EDEM3: variants seen among roughly 807,000 people sequenced by gnomAD.
The protein encoded by EDEM3 is ER degradation-enhancing alpha-mannosidase-like protein 3.
A neutral mutation model predicts 110.2 loss-of-function variants in EDEM3; 60 were observed. The observed-to-expected ratio is 0.54, with a 90% CI of 0.44 to 0.67. EDEM3 has a LOEUF of 0.67. Ranked by LOEUF, EDEM3 falls within the 30% of genes least tolerant of loss-of-function variation. The pLI, the probability that EDEM3 is intolerant of heterozygous loss-of-function variation, is 0.00. For missense variants in EDEM3, 996 were observed against 1,121.0 expected, an observed-to-expected ratio of 0.89 and a Z score of 1.59; for synonymous variants, 352 against 382.9, an observed-to-expected ratio of 0.92 and a Z score of 0.94.
At position 184,736,110 on chromosome 1, in the gene EDEM3, C is replaced by A. The variant is rs554113348; in HGVS notation, c.345+915G>T. 3.7e-4 allele frequency among the ~76,000 whole-genome samples: 56 copies of A among 152,244 alleles called. 1 individual carries two copies. The South Asian group carries it at 0.011, about 29-fold the overall frequency. ...TCGTGATTTTTCTCAACCATAACAT[C>A]TTTTTGAACCAAAGAGCTTTGGAAG... On this transcript the variant is annotated intron_variant, in intron 4 of 19. Transcript: ENST00000318130.
Position 184,750,976 on chromosome 1 carries a change from C to T in EDEM3, c.159-1384G>A, listed in dbSNP as rs549982637. On this transcript the variant is annotated intron_variant, in intron 1 of 19. Transcript: ENST00000318130. Reference sequence around the variant, plus strand: ...GAAATACTGGTAATAATAGAGCTAGCAAACAGAAAAGACCTCAGTTCCAGA... The same window carrying T: ...GAAATACTGGTAATAATAGAGCTAGTAAACAGAAAAGACCTCAGTTCCAGA... Among the ~76,000 whole-genome samples the T allele has an allele frequency of 5.9e-5, 9 of 152,174 alleles. No homozygotes were observed. The South Asian group carries it at 1.2e-3, about 21-fold the overall frequency.
chr1:184,749,612 A>T lies in EDEM3; in HGVS notation c.159-20T>A. The T allele has an allele frequency of 6.9e-7, 1 of 1,446,856 alleles. No individual in the cohort carries two copies. Among genetic ancestry groups the T allele is most frequent in the Admixed American group, 2.5e-5 (1 of 40,410 alleles). 89.6% of individuals were successfully genotyped at this position (1,446,856 alleles called of 1,614,324 possible). A position where few individuals can be genotyped will look rare whatever the true frequency, so the allele number is the denominator to read the frequency against. On this transcript the variant is annotated intron_variant, in intron 1 of 19. Coordinates refer to ENST00000318130, the MANE Select transcript of EDEM3 (RefSeq NM_025191.4). ...TGATTCCTAATTTTAAAAGAGCAGAAATGGAAAAAAAAAAAAAAAAAGGTA... is the reference window on the plus strand; with the variant it reads ...TGATTCCTAATTTTAAAAGAGCAGATATGGAAAAAAAAAAAAAAAAAGGTA...
At chr1:184,737,154 G>T in intron 3 of EDEM3, 90 bp from the exon 4 acceptor site, 1 of 1,116,004 alleles carries the variant, frequency 9.0e-7, no homozygotes, top group Non-Finnish European at 1.3e-6. Flanking sequence ...TCTATTGACT[G>T]GTAGTTTCTA....
In EDEM3 at chr1:184,717,009, T is replaced by C. The variant is rs758797024; in HGVS notation, c.1249A>G (p.Thr417Ala). Residue 417 changes from threonine to alanine, a missense_variant, in exon 13 of 20, where the codon ACA (threonine) becomes GCA (alanine). By Grantham distance (58) the Thr-to-Ala change is moderately conservative. Around this residue, in one of 5 missense-constraint regions of EDEM3, gnomAD observed 310 missense variants for 394.6 expected, o/e 0.79. Coordinates refer to ENST00000318130, the MANE Select transcript of EDEM3 (RefSeq NM_025191.4). ...AESTYFLYKA[T>A]GDPYYLEVGK... ...ACTTCAAGGTAGTAAGGATCTCCTG[T>C]AGCCTATTAAAAAGGAGAATATATG... 1.2e-6 allele frequency: 2 copies of C among 1,607,068 alleles called. No individual in the cohort carries two copies. Among genetic ancestry groups the C allele is most frequent in the Non-Finnish European group, 1.7e-6 (2 of 1,174,626 alleles).
intron 4 of EDEM3, among the ~76,000 whole-genome samples, chr1:184,736,538 A>G (rs1308324506): frequency 6.6e-6 from 1 of 152,176 alleles, no homozygotes; most frequent in Non-Finnish European, 1.5e-5. Flanking sequence ...GTCCTGAACC[A>G]GAAATAAATT....
chr1:184,749,074 T>C (rs1157780905), intron 2 of EDEM3, among the ~76,000 whole-genome samples: 1 of 152,184 alleles, frequency 6.6e-6, no homozygotes, highest in Non-Finnish European at 1.5e-5. Context: ...TTTTAAATAA[T>C]ATGAATCAGC....
rs1649168789 is a variant in EDEM3 at position 184,693,545 on chromosome 1, T to C, written c.*518A>G. 1 of 152,626 alleles carries C rather than the reference T, an allele frequency of 6.6e-6. No homozygotes were observed. Among genetic ancestry groups the C allele is most frequent in the Non-Finnish European group, 1.5e-5 (1 of 68,302 alleles). The allele number at this position is 152,626 out of a possible 1,614,324, so 9.5% of individuals were successfully genotyped here. ...CAATGAGCAAAGACTGTTTTCACCA[T>C]AAATGCATTTGCTTCATAACCACTT... On this transcript the variant is annotated 3_prime_UTR_variant, in exon 20 of 20. Coordinates refer to ENST00000318130, the MANE Select transcript of EDEM3 (RefSeq NM_025191.4).
intron 8 of EDEM3, among the ~76,000 whole-genome samples, chr1:184,722,849 T>C (rs139546829): frequency 6.6e-6 from 1 of 151,958 alleles, no homozygotes; most frequent in African/African-American, 2.4e-5. Context: ...TTTCCATTCA[T>C]CTATGCTTAT....
At chr1:184,717,823 A>AT (rs1390520062) in intron 11 of EDEM3, among the ~76,000 whole-genome samples, 200 bp from the exon 12 acceptor site, 1 of 151,942 alleles carries the variant, frequency 6.6e-6, no homozygotes, top group Non-Finnish European at 1.5e-5. Context: ...TAAATTGATT[A>AT]TTTTTTCAGT....
intron 1 of EDEM3, among the ~76,000 whole-genome samples, chr1:184,753,673 C>A (rs1482711037): frequency 1.3e-5 from 2 of 152,098 alleles, no homozygotes; most frequent in African/African-American, 4.8e-5. Flanking sequence ...TGGGCAAAAA[C>A]CAGCTAGCTC....
chr1:184,741,251 T>C (rs985846736), intron 2 of EDEM3, among the ~76,000 whole-genome samples: 1 of 151,710 alleles, frequency 6.6e-6, no homozygotes, highest in Non-Finnish European at 1.5e-5. Context: ...TACAAAAAAT[T>C]AGCTGGGTGT....
In EDEM3 at chr1:184,702,882, C is replaced by A. The variant is rs770673753; in HGVS notation, c.2318G>T (p.Ser773Ile). Reference sequence around the variant, plus strand: ...TTCCCGGATGGCATCCAGTATGATACTTCCTTCTTTGCTGAATAAGAACAG... The same window carrying A: ...TTCCCGGATGGCATCCAGTATGATAATTCCTTCTTTGCTGAATAAGAACAG... ...PMLFLFSKEGSIILDAIREYE... is the reference protein window; with the variant it reads ...PMLFLFSKEGIIILDAIREYE... The change falls in exon 19 of 20, where the codon AGT becomes ATT. Residue 773 changes from serine (S) to isoleucine (I), a missense_variant. Around this residue, in one of 5 missense-constraint regions of EDEM3, gnomAD observed 345 missense variants for 402.0 expected, o/e 0.86. Coordinates refer to ENST00000318130, the MANE Select transcript of EDEM3 (RefSeq NM_025191.4). 5 of 1,613,366 alleles carry A rather than the reference C, an allele frequency of 3.1e-6. No homozygotes were observed. Among genetic ancestry groups the A allele is most frequent in the African/African-American group, 1.3e-5 (1 of 74,850 alleles).
At position 184,721,122 on chromosome 1, in the gene EDEM3, A is replaced by G. The variant is rs976070553; in HGVS notation, c.951+167T>C. The G allele has an allele frequency of 2.7e-5, 15 of 557,442 alleles. No individual in the cohort carries two copies. In the South Asian group the frequency reaches 2.9e-4, roughly 11 times the overall value. 34.5% of individuals were successfully genotyped at this position (557,442 alleles called of 1,614,324 possible). A position where few individuals can be genotyped will look rare whatever the true frequency, so the allele number is the denominator to read the frequency against. ...TTTATCAACTGATTTTTTGGAATGT[A>G]TATCACTTTTTACGCTGTCCCTGTT... On this transcript the variant is annotated intron_variant, in intron 9 of 19. Coordinates refer to ENST00000318130, the MANE Select transcript of EDEM3 (RefSeq NM_025191.4).
At chr1:184,723,723 C>T (rs1442222338) in intron 8 of EDEM3, 28 bp downstream of exon 8, 4 of 1,518,258 alleles carry the variant, frequency 2.6e-6, no homozygotes, top group South Asian at 1.2e-5. Context: ...GATGCAAAGG[C>T]TTGATTTAAA....
chr1:184,741,150 C>A (rs563659270), intron 2 of EDEM3, among the ~76,000 whole-genome samples: 6 of 152,270 alleles, frequency 3.9e-5, no homozygotes, highest in South Asian at 4.1e-4. Context: ...GTAATCCCAG[C>A]ACTTTGGGAG....
intron 19 of EDEM3, among the ~76,000 whole-genome samples, chr1:184,702,153 T>C (rs946796860): frequency 6.6e-6 from 1 of 152,204 alleles, no homozygotes; most frequent in Non-Finnish European, 1.5e-5. Context: ...GTAAGAATAC[T>C]AGTAAGGCCT....
intron 6 of EDEM3, 121 bp downstream of exon 6, chr1:184,732,716 C>A: frequency 1.0e-6 from 1 of 975,366 alleles, no homozygotes; most frequent in Non-Finnish European, 1.5e-6. Context: ...TGTTATATAG[C>A]TTTGAAGCAT....
At chr1:184,708,460 AG>A in intron 16 of EDEM3, 116 bp from the exon 17 acceptor site, 3 of 992,890 alleles carry the variant, frequency 3.0e-6, no homozygotes, top group Non-Finnish European at 2.9e-6. Context: ...CTTTCACTTT[AG>A]GTCACCACCA....
intron 2 of EDEM3, among the ~76,000 whole-genome samples, chr1:184,748,122 AG>A (rs1652535915): frequency 6.6e-6 from 1 of 152,110 alleles, no homozygotes; most frequent in African/African-American, 2.4e-5. Context: ...GAAAGAAATA[AG>A]GGTTGACATG....
Sources: allele counts gnomAD v4.1 joint callset (sites outside exome capture counted in the v4.1 genomes callset), GRCh38; gene constraint gnomAD v4.1.1; regional missense constraint gnomAD v4.1.1; transcripts MANE v1.5; gene names NCBI Gene and HGNC (gene_info 2026-07-23, HGNC 2026-07-21).